SYT9: variants seen among roughly 807,000 people sequenced by gnomAD.
SYT9 encodes synaptotagmin-9.
SYT9 carries 22 observed loss-of-function variants against 48.4 expected under a neutral mutation model. The observed-to-expected ratio is 0.45, with a 90% CI of 0.32 to 0.65. The LOEUF is 0.65. Ranked by LOEUF, SYT9 falls within the 30% of genes least tolerant of loss-of-function variation. SYT9 has a pLI of 0.03. For missense variants in SYT9, 577 were observed against 622.0 expected (o/e 0.93, Z 0.77); for synonymous variants, 265 against 245.0 (o/e 1.08, Z -0.76).
chr11:7,402,382 C>A (rs553683429), intron 3 of SYT9, among the ~76,000 whole-genome samples: 1 of 151,950 alleles, frequency 6.6e-6, no homozygotes, highest in Non-Finnish European at 1.5e-5. Flanking sequence ...TATATTCTTA[C>A]TTCTTCTCTT....
intron 1 of SYT9, among the ~76,000 whole-genome samples, chr11:7,259,614 G>T (rs1043688275): frequency 1.3e-5 from 2 of 151,978 alleles, no homozygotes; most frequent in East Asian, 3.9e-4. Context: ...GTTTCAATTT[G>T]TGTTTTTTTT....
chr11:7,242,140 A>G (rs1316563213), intron 1 of SYT9, among the ~76,000 whole-genome samples: 1 of 152,266 alleles, frequency 6.6e-6, no homozygotes, highest in African/African-American at 2.4e-5. Flanking sequence ...TGCATAGGCC[A>G]GTCTGGAAAG....
intron 1 of SYT9, among the ~76,000 whole-genome samples, chr11:7,302,560 C>G (rs767201603): frequency 6.6e-6 from 1 of 152,010 alleles, no homozygotes; most frequent in Non-Finnish European, 1.5e-5. Context: ...AAAATAGAAC[C>G]AAAAAAGCAC....
At chr11:7,372,059 C>T (rs943016217) in intron 3 of SYT9, among the ~76,000 whole-genome samples, 5 of 152,036 alleles carry the variant, frequency 3.3e-5, no homozygotes, top group African/African-American at 1.2e-4. Flanking sequence ...TAGGATATAT[C>T]TATGTTTGTA....
Position 7,466,973 on chromosome 11 carries a change from T to C in SYT9, c.*173T>C. 3.9e-6 allele frequency: 3 copies of C among 769,970 alleles called. No homozygotes were observed. In the South Asian group the frequency reaches 5.4e-5, roughly 14 times the overall value. 47.7% of individuals were successfully genotyped at this position (769,970 alleles called of 1,614,324 possible). On this transcript the variant is annotated 3_prime_UTR_variant, in exon 7 of 7. Coordinates refer to ENST00000318881, the MANE Select transcript of SYT9 (RefSeq NM_175733.4). ...CCAGATTGGGTTTGGTGAACCTGAA[T>C]GGTCCAGCCACCTTCTGCAGGTGGC...
chr11:7,341,884 C>T (rs1849719449), intron 3 of SYT9, among the ~76,000 whole-genome samples: 2 of 152,064 alleles, frequency 1.3e-5, no homozygotes, highest in African/African-American at 2.4e-5. Context: ...TTAATGGACT[C>T]ATAGTTCCAC....
At chr11:7,341,274 T>C (rs775353559) in intron 3 of SYT9, among the ~76,000 whole-genome samples, 33 of 152,176 alleles carry the variant, frequency 2.2e-4, no homozygotes, top group Non-Finnish European at 2.9e-4. Flanking sequence ...AGGCACAGGA[T>C]GTAAGGGCTA....
intron 3 of SYT9, among the ~76,000 whole-genome samples, chr11:7,380,771 A>G (rs1225029968): frequency 6.6e-6 from 1 of 152,220 alleles, no homozygotes; most frequent in Non-Finnish European, 1.5e-5. Context: ...TCTGGTAGCC[A>G]TATCGCATTT....
In SYT9 at chr11:7,313,497, A is replaced by G. The variant is rs148978961; in HGVS notation, c.600A>G (p.Pro200=). 3.1e-6 allele frequency: 5 copies of G among 1,614,078 alleles called. No homozygotes were observed. Among genetic ancestry groups the G allele is most frequent in the Non-Finnish European group, 2.5e-6 (3 of 1,180,016 alleles). ...TGACTGGAATTGGTAGAATTAAACC[A>G]GAGTTATATAAGCAGAGGTCATTGG... ...EQLTGIGRIK[P]ELYKQRSLDN... is the part of the protein sequence containing the mutation. The change falls in exon 3 of 7, where the codon CCA becomes CCG. Residue 200 remains proline (P), a synonymous_variant. Coordinates refer to ENST00000318881, the MANE Select transcript of SYT9 (RefSeq NM_175733.4).
intron 1 of SYT9, among the ~76,000 whole-genome samples, chr11:7,256,040 T>G (rs1308656017): frequency 6.6e-6 from 1 of 152,216 alleles, no homozygotes; most frequent in Admixed American, 6.5e-5. Flanking sequence ...TCAAAAAGCA[T>G]TAGTCTTATC....
intron 3 of SYT9, among the ~76,000 whole-genome samples, chr11:7,402,923 C>T (rs1846924585): frequency 6.6e-6 from 1 of 152,050 alleles, no homozygotes; most frequent in African/African-American, 2.4e-5. Flanking sequence ...TTTTATTATT[C>T]CATTTTATCT....
intron 3 of SYT9, among the ~76,000 whole-genome samples, chr11:7,341,279 G>T (rs1849707802): frequency 6.6e-6 from 1 of 152,150 alleles, no homozygotes; most frequent in Non-Finnish European, 1.5e-5. Context: ...CAGGATGTAA[G>T]GGCTACTGGA....
chr11:7,259,708 T>A (rs1426802160), intron 1 of SYT9, among the ~76,000 whole-genome samples: 2 of 152,216 alleles, frequency 1.3e-5, no homozygotes, highest in African/African-American at 2.4e-5. Flanking sequence ...CCACATTCTC[T>A]ATCATGTACC....
At chr11:7,353,690 C>G (rs1047259289) in intron 3 of SYT9, among the ~76,000 whole-genome samples, 1 of 132,472 alleles carries the variant, frequency 7.5e-6, no homozygotes, top group Non-Finnish European at 1.6e-5. Flanking sequence ...TTAGTTCGAT[C>G]CTCTGTTATA....
intron 1 of SYT9, among the ~76,000 whole-genome samples, chr11:7,299,992 A>G (rs149454465): frequency 2.6e-5 from 4 of 152,184 alleles, no homozygotes; most frequent in Non-Finnish European, 4.4e-5. Flanking sequence ...ATGACCCTAC[A>G]TCCTAATTTT....
intron 6 of SYT9, among the ~76,000 whole-genome samples, chr11:7,450,919 C>T (rs915010505): frequency 5.3e-5 from 8 of 152,220 alleles, no homozygotes; most frequent in Non-Finnish European, 7.3e-5. Flanking sequence ...GTCGGGATCA[C>T]ACAGTAATGC....
chr11:7,307,232 C>T (rs1409908498), intron 2 of SYT9, among the ~76,000 whole-genome samples: 1 of 152,126 alleles, frequency 6.6e-6, no homozygotes, highest in Non-Finnish European at 1.5e-5. Context: ...GGCCACAACT[C>T]AAGTAAATAG....
At chr11:7,445,769 G>A (rs1388095226) in intron 6 of SYT9, among the ~76,000 whole-genome samples, 1 of 152,184 alleles carries the variant, frequency 6.6e-6, no homozygotes, top group Non-Finnish European at 1.5e-5. Flanking sequence ...TTTTCTAATA[G>A]ACAGGAGTCT....
intron 5 of SYT9, 116 bp downstream of exon 5, chr11:7,418,244 T>C: frequency 2.6e-6 from 3 of 1,168,998 alleles, no homozygotes; most frequent in Non-Finnish European, 3.6e-6. Flanking sequence ...AGGAAATGAG[T>C]CAACTAGCAG....
Sources: allele counts gnomAD v4.1 joint callset (sites outside exome capture counted in the v4.1 genomes callset), GRCh38; gene constraint gnomAD v4.1.1; transcripts MANE v1.5; gene names NCBI Gene and HGNC (gene_info 2026-07-23, HGNC 2026-07-21).